ARID4A: variants seen among roughly 807,000 people sequenced by gnomAD.
The protein encoded by ARID4A is AT-rich interaction domain 4A.
Under a neutral mutation model 148.6 loss-of-function variants are expected in ARID4A, and 39 were observed. The observed-to-expected ratio is 0.26, with a 90% CI of 0.20 to 0.34. ARID4A has a LOEUF of 0.34. Among genes scored for constraint, ARID4A ranks in the 10% least tolerant of loss-of-function variants. The pLI is 1.00. For missense variants in ARID4A, 1,265 were observed against 1,449.1 expected, an observed-to-expected ratio of 0.87 and a Z score of 2.06; for synonymous variants, 475 against 481.2, an observed-to-expected ratio of 0.99 and a Z score of 0.17.
chr14:58,319,347 G>A (rs953301572), intron 7 of ARID4A, among the ~76,000 whole-genome samples: 3 of 151,406 alleles, frequency 2.0e-5, no homozygotes, highest in East Asian at 1.9e-4. Flanking sequence ...GATTACAGGC[G>A]TGAGCCACCA....
At chr14:58,323,402 G>A in intron 7 of ARID4A, 83 bp from the exon 8 acceptor site, 1 of 1,467,918 alleles carries the variant, frequency 6.8e-7, no homozygotes. Context: ...ATTAGAAATT[G>A]AATTGACTAT....
At chr14:58,333,971 G>C (rs569258472) in intron 11 of ARID4A, among the ~76,000 whole-genome samples, 39 of 152,226 alleles carry the variant, frequency 2.6e-4, no homozygotes, top group African/African-American at 8.9e-4. Context: ...TGGGACTTTA[G>C]CTTGCAATCA....
chr14:58,363,820 A>G (rs1379748316), intron 19 of ARID4A, among the ~76,000 whole-genome samples: 1 of 152,136 alleles, frequency 6.6e-6, no homozygotes, highest in Admixed American at 6.6e-5. Context: ...ATCTCAAACC[A>G]CTTAACAAAT....
intron 11 of ARID4A, among the ~76,000 whole-genome samples, chr14:58,336,254 A>G (rs891125157): frequency 2.0e-5 from 3 of 152,202 alleles, no homozygotes; most frequent in Non-Finnish European, 4.4e-5. Context: ...TAGTCCTTAC[A>G]CTAAATGACA....
chr14:58,301,417 G>T (rs1298669799), intron 2 of ARID4A, among the ~76,000 whole-genome samples, 163 bp from the exon 3 acceptor site: 1 of 152,068 alleles, frequency 6.6e-6, no homozygotes, highest in Non-Finnish European at 1.5e-5. Context: ...AAAATGAAAG[G>T]TTGCTAATCA....
Position 58,353,839 on chromosome 14 carries a change from T to C in ARID4A, c.1837T>C (p.Tyr613His). 6.2e-7 allele frequency: 1 copy of C among 1,611,986 alleles called. No individual in the cohort carries two copies. Among genetic ancestry groups the C allele is most frequent in the Non-Finnish European group, 8.5e-7 (1 of 1,179,342 alleles). ...AGAAGTTTTATATTTGGTACATTAC[T>C]ATGGATGGAATGTCAGGTAAGCAAG... is the stretch of plus-strand genomic sequence containing the variant. ...DGEVLYLVHYYGWNVRYDEWV... is the reference protein window; with the variant it reads ...DGEVLYLVHYHGWNVRYDEWV... The change falls in exon 17 of 24, where the codon TAT becomes CAT. Residue 613 changes from tyrosine to histidine, a missense_variant. Physicochemically the swap from Tyr to His is moderately conservative, Grantham distance 83 (BLOSUM62 2). Around this residue, in one of 9 missense-constraint regions of ARID4A, gnomAD observed 30 missense variants for 65.7 expected, o/e 0.46. Coordinates refer to ENST00000355431, the MANE Select transcript of ARID4A (RefSeq NM_002892.4).
chr14:58,300,196 AT>A (rs1382391644), intron 2 of ARID4A, among the ~76,000 whole-genome samples: 1 of 151,822 alleles, frequency 6.6e-6, no homozygotes, highest in African/African-American at 2.4e-5. Context: ...TTTTTTGTAA[AT>A]TTTTTTTCTT....
At position 58,330,158 on chromosome 14, in the gene ARID4A, G is replaced by C. The variant is rs1388386728; in HGVS notation, c.895G>C (p.Glu299Gln). The C allele has an allele frequency of 1.2e-6, 2 of 1,611,294 alleles. No individual in the cohort carries two copies. Residue 299 changes from glutamate to glutamine, a missense_variant, in exon 11 of 24, where the codon GAA becomes CAA. Around this residue, in one of 9 missense-constraint regions of ARID4A, gnomAD observed 249 missense variants for 277.2 expected, o/e 0.90. Transcript: ENST00000355431. ...EEKEKEAKKT[E>Q]EEVPEEELDP... The stretch of plus-strand genomic sequence containing the variant: ...GAAGGAAAAGGAGGCCAAAAAGACA[G>C]AAGAAGAGGTGGTAGGTGTAATTTC...
At chr14:58,343,152 TG>T (rs1412140578) in intron 11 of ARID4A, among the ~76,000 whole-genome samples, 2 of 152,170 alleles carry the variant, frequency 1.3e-5, no homozygotes, top group African/African-American at 4.8e-5. Context: ...TAAATTCACA[TG>T]GGGAAAAAAC....
At chr14:58,345,748 T>TG (rs1370428675) in intron 12 of ARID4A, among the ~76,000 whole-genome samples, 1 of 81,420 alleles carries the variant, frequency 1.2e-5, no homozygotes, top group Non-Finnish European at 2.6e-5. Flanking sequence ...TTTTTTTTTT[T>TG]GTGACAGAGT....
intron 5 of ARID4A, among the ~76,000 whole-genome samples, chr14:58,314,089 G>T (rs533140917): frequency 1.6e-4 from 24 of 152,176 alleles, no homozygotes; most frequent in Non-Finnish European, 3.1e-4. Flanking sequence ...TTGGTTATAT[G>T]TATGTTCTGC....
intron 11 of ARID4A, among the ~76,000 whole-genome samples, chr14:58,330,443 C>A (rs2033458720): frequency 1.3e-5 from 2 of 151,708 alleles, no homozygotes; most frequent in South Asian, 4.2e-4. Context: ...CAAAACAACC[C>A]AGGAGGGAAA....
intron 7 of ARID4A, among the ~76,000 whole-genome samples, chr14:58,319,234 T>C (rs1423969866): frequency 6.6e-6 from 1 of 151,040 alleles, no homozygotes; most frequent in Non-Finnish European, 1.5e-5. Flanking sequence ...TAATTTTTTT[T>C]TTTTTTGTAT....
chr14:58,366,165 A>T lies in ARID4A; in HGVS notation c.3458A>T (p.Lys1153Ile), dbSNP rs754400641. ...RISPHIKDGE[K>I]DKHREKHPNS... is the part of the protein sequence containing the mutation. ...TCCCCGCACATCAAAGATGGAGAGA[A>T]AGATAAACACAGAGAAAAACATCCG... The change falls in exon 22 of 24, where the codon AAA becomes ATA. Residue 1153 changes from lysine to isoleucine, a missense_variant. By Grantham distance (102) the Lys-to-Ile change is moderately radical. Around this residue, in one of 9 missense-constraint regions of ARID4A, gnomAD observed 666 missense variants for 730.9 expected, o/e 0.91. Coordinates refer to ENST00000355431, the MANE Select transcript of ARID4A (RefSeq NM_002892.4). 6.2e-7 allele frequency: 1 copy of T among 1,613,864 alleles called. No individual in the cohort carries two copies. The highest frequency in any genetic ancestry group is 1.3e-5 in the African/African-American group (1 of 74,926).
intron 10 of ARID4A, 117 bp from the exon 11 acceptor site, chr14:58,329,886 A>G (rs1055655666): frequency 6.8e-7 from 1 of 1,475,446 alleles, no homozygotes; most frequent in Non-Finnish European, 9.0e-7. Context: ...TTACTGTATC[A>G]TTTTATAAAT....
rs1466092038 is a variant in ARID4A, at chr14:58,352,938, AG to A, written c.1656-719del. The stretch of plus-strand genomic sequence containing the variant: ...GCCGATGGAAGATGAGTAAACAAAT[AG>A]AATTCAACACAAATGTAAAGCTTTG... On this transcript the variant is annotated intron_variant, in intron 16 of 23. Transcript: ENST00000355431. 5.3e-5 allele frequency among the ~76,000 whole-genome samples: 8 copies of A among 152,202 alleles called. 1 individual carries two copies. Among genetic ancestry groups the A allele is most frequent in the Non-Finnish European group, 1.2e-4 (8 of 68,012 alleles).
At chr14:58,338,067 T>A (rs944984981) in intron 11 of ARID4A, among the ~76,000 whole-genome samples, 18 of 152,204 alleles carry the variant, frequency 1.2e-4, no homozygotes, top group Admixed American at 4.6e-4. Context: ...TTACATTGAA[T>A]ATTGCCTTTG....
chr14:58,305,126 C>A, intron 4 of ARID4A, 117 bp downstream of exon 4: 1 of 792,094 alleles, frequency 1.3e-6, no homozygotes, highest in Non-Finnish European at 2.0e-6. Context: ...GAAAACAATA[C>A]ATATGAAGGG....
intron 17 of ARID4A, among the ~76,000 whole-genome samples, chr14:58,355,852 CT>C (rs1673958546): frequency 6.6e-6 from 1 of 152,110 alleles, no homozygotes; most frequent in African/African-American, 2.4e-5. Flanking sequence ...AGAATTTCCC[CT>C]ATCTTTCTTT....
Sources: allele counts gnomAD v4.1 joint callset (sites outside exome capture counted in the v4.1 genomes callset), GRCh38; gene constraint gnomAD v4.1.1; regional missense constraint gnomAD v4.1.1; transcripts MANE v1.5; gene names NCBI Gene and HGNC (gene_info 2026-07-23, HGNC 2026-07-21).